NKAIN2: variants seen among roughly 807,000 people sequenced by gnomAD.
NKAIN2 encodes sodium/potassium transporting ATPase interacting 2.
In NKAIN2, 14 loss-of-function variants were observed where a neutral mutation model predicts 32.6. The observed-to-expected ratio is 0.43, with a 90% CI of 0.28 to 0.67. The LOEUF (loss-of-function observed/expected upper bound fraction) is 0.67. Ranked by LOEUF, NKAIN2 falls within the 30% of genes least tolerant of loss-of-function variation. NKAIN2 has a pLI of 0.17. For synonymous variants in NKAIN2, 80 were observed against 87.2 expected, an observed-to-expected ratio of 0.92 and a Z score of 0.46; for missense variants, 198 against 258.3, an observed-to-expected ratio of 0.77 and a Z score of 1.60.
Position 124,439,904 on chromosome 6 carries a change from C to G in NKAIN2, c.273+84557C>G, listed in dbSNP as rs549216023. The stretch of plus-strand genomic sequence containing the variant: ...ATCTCAGATAGGGGTCTCCAGGAAG[C>G]CTGCTCTGAAGATTTCTATGCAGGA... On this transcript the variant is annotated intron_variant, in intron 3 of 6. Coordinates refer to ENST00000368417, the MANE Select transcript of NKAIN2 (RefSeq NM_001040214.3). 1.4e-4 allele frequency among the ~76,000 whole-genome samples: 22 copies of G among 152,046 alleles called. No individual in the cohort carries two copies. The East Asian group carries it at 2.7e-3, about 19-fold the overall frequency.
chr6:124,515,505 A>G (rs1778869518), intron 3 of NKAIN2, among the ~76,000 whole-genome samples: 1 of 151,790 alleles, frequency 6.6e-6, no homozygotes, highest in South Asian at 2.1e-4. Context: ...TAAAAAACCA[A>G]CTCTCGGATG....
At chr6:124,343,284 T>G (rs1037883712) in intron 2 of NKAIN2, among the ~76,000 whole-genome samples, 10 of 152,114 alleles carry the variant, frequency 6.6e-5, no homozygotes, top group Non-Finnish European at 1.5e-4. Context: ...AGTGCCGAAA[T>G]AAACATACGT....
intron 1 of NKAIN2, among the ~76,000 whole-genome samples, chr6:124,201,154 A>AT (rs1328807819): frequency 6.6e-6 from 1 of 152,056 alleles, no homozygotes; most frequent in Non-Finnish European, 1.5e-5. Context: ...ATACTAATAC[A>AT]TATTTGTTCT....
chr6:124,080,745 C>A (rs200676655), intron 1 of NKAIN2, among the ~76,000 whole-genome samples: 2 of 151,436 alleles, frequency 1.3e-5, no homozygotes, highest in East Asian at 2.0e-4. Flanking sequence ...CACTCCCCCC[C>A]TCCAAGATCT....
chr6:124,552,463 G>A (rs1197821011), intron 3 of NKAIN2, among the ~76,000 whole-genome samples: 3 of 152,124 alleles, frequency 2.0e-5, no homozygotes, highest in South Asian at 2.1e-4. Context: ...AACTCTGACC[G>A]TTTCTTTCGC....
chr6:124,714,225 C>G (rs191367507), intron 4 of NKAIN2, among the ~76,000 whole-genome samples: 1 of 152,152 alleles, frequency 6.6e-6, no homozygotes, highest in Non-Finnish European at 1.5e-5. Context: ...CTAAAGCTTC[C>G]CAGTTTTCTT....
At chr6:124,564,446 G>A (rs1443804224) in intron 3 of NKAIN2, among the ~76,000 whole-genome samples, 2 of 151,498 alleles carry the variant, frequency 1.3e-5, no homozygotes, top group African/African-American at 2.4e-5. Flanking sequence ...CAATCAGTTG[G>A]ACATGGGTGG....
chr6:124,362,130 T>A (rs1046195608), intron 3 of NKAIN2, among the ~76,000 whole-genome samples: 15 of 152,084 alleles, frequency 9.9e-5, no homozygotes, highest in Non-Finnish European at 2.1e-4. Flanking sequence ...AGACAAAATT[T>A]AACAAATATT....
At chr6:124,502,076 C>A (rs898522169) in intron 3 of NKAIN2, among the ~76,000 whole-genome samples, 1 of 151,988 alleles carries the variant, frequency 6.6e-6, no homozygotes, top group African/African-American at 2.4e-5. Context: ...TGCACTCTAG[C>A]CCGGGTGACA....
intron 3 of NKAIN2, among the ~76,000 whole-genome samples, chr6:124,550,557 C>T (rs1048501784): frequency 2.0e-5 from 3 of 152,068 alleles, no homozygotes; most frequent in Admixed American, 1.3e-4. Flanking sequence ...CTGGTGTGCT[C>T]GTTACTAGGG....
chr6:124,394,300 T>G (rs538805418), intron 3 of NKAIN2, among the ~76,000 whole-genome samples: 2 of 152,274 alleles, frequency 1.3e-5, no homozygotes, highest in African/African-American at 4.8e-5. Context: ...TTAAGGGAGT[T>G]TGATAAGCAC....
At chr6:124,190,635 G>C (rs138495750) in intron 1 of NKAIN2, among the ~76,000 whole-genome samples, 2 of 152,056 alleles carry the variant, frequency 1.3e-5, no homozygotes, top group South Asian at 4.1e-4. Context: ...CTTAATAAGC[G>C]TATACCCAGA....
chr6:124,331,379 A>AAAAAAAAAAAC (rs1797651235), intron 2 of NKAIN2, among the ~76,000 whole-genome samples: 3 of 126,804 alleles, frequency 2.4e-5, no homozygotes, highest in Admixed American at 8.5e-5. Flanking sequence ...AAAAAAAAAA[A>AAAAAAAAAAAC]CTAGCTGGGC....
At chr6:124,572,035 CA>C (rs1781146866) in intron 3 of NKAIN2, among the ~76,000 whole-genome samples, 1 of 151,628 alleles carries the variant, frequency 6.6e-6, no homozygotes, top group Non-Finnish European at 1.5e-5. Flanking sequence ...GTGACTATCC[CA>C]TCACCAAGTC....
At chr6:124,578,860 A>AG in intron 3 of NKAIN2, among the ~76,000 whole-genome samples, 1 of 152,086 alleles carries the variant, frequency 6.6e-6, no homozygotes, top group Non-Finnish European at 1.5e-5. Context: ...CTCAGCGCAG[A>AG]AAGAGACAGA....
intron 1 of NKAIN2, among the ~76,000 whole-genome samples, chr6:124,108,576 G>A (rs1468416223): frequency 6.6e-6 from 1 of 151,928 alleles, no homozygotes; most frequent in Non-Finnish European, 1.5e-5. Flanking sequence ...AGTGTTTAAT[G>A]TCTGTGTTTT....
At position 124,216,331 on chromosome 6, in the gene NKAIN2, G is replaced by T. The variant is rs187401459; in HGVS notation, c.55-66674G>T. Among the ~76,000 whole-genome samples, 134 of 152,210 alleles carry T rather than the reference G, an allele frequency of 8.8e-4. 1 individual carries two copies. The highest frequency in any genetic ancestry group is 2.9e-3 in the African/African-American group (122 of 41,548). ...AAATTACAGTCAATTTTTATTGTTT[G>T]CTAATTGTGTATTTGTAAATTTGCC... On this transcript the variant is annotated intron_variant, in intron 1 of 6. Coordinates refer to ENST00000368417, the MANE Select transcript of NKAIN2 (RefSeq NM_001040214.3).
chr6:124,181,486 T>G (rs1352819631), intron 1 of NKAIN2, among the ~76,000 whole-genome samples: 1 of 152,188 alleles, frequency 6.6e-6, no homozygotes, highest in African/African-American at 2.4e-5. Flanking sequence ...TTTTCTGAAC[T>G]TTTATGCTCT....
Position 124,319,289 on chromosome 6 carries a change from T to C in NKAIN2, c.193-35978T>C, listed in dbSNP as rs143890917. ...TCTATTTCCAATAGTAGCCCATTAT[T>C]TTAGCATGTTCCATTTCGACATTCA... On this transcript the variant is annotated intron_variant, in intron 2 of 6. Coordinates refer to ENST00000368417, the MANE Select transcript of NKAIN2 (RefSeq NM_001040214.3). 3.6e-3 allele frequency among the ~76,000 whole-genome samples: 542 copies of C among 152,250 alleles called. 6 individuals are homozygous for C. The highest frequency in any genetic ancestry group is 0.013 in the African/African-American group (522 of 41,574).
Sources: gnomAD v4.1 joint callset for allele counts (sites outside exome capture counted in the v4.1 genomes callset) on GRCh38, gnomAD v4.1.1 for gene constraint, MANE v1.5 for transcripts, NCBI Gene and HGNC (gene_info 2026-07-23, HGNC 2026-07-21) for gene names.